The following ROBO2 variants were observed in gnomAD, a reference collection of about 807,000 sequenced individuals.
ROBO2 encodes roundabout homolog 2.
ROBO2 carries 53 observed loss-of-function variants against 160.8 expected under a neutral mutation model. The observed-to-expected ratio is 0.33, with a 90% CI of 0.26 to 0.41. The LOEUF is 0.41. ROBO2 is among the 10% of genes least tolerant of loss of function. The pLI is 1.00. For missense variants in ROBO2, 1,577 were observed against 1,722.4 expected (o/e 0.92, Z 1.49); for synonymous variants, 664 against 611.7 (o/e 1.09, Z -1.26).
At chr3:76,651,999 G>C (rs541667595) in intron 2 of ROBO2, among the ~76,000 whole-genome samples, 1 of 152,104 alleles carries the variant, frequency 6.6e-6, no homozygotes, top group Non-Finnish European at 1.5e-5. Flanking sequence ...GGAGGATGTC[G>C]CTCCCTGCAG....
At chr3:76,608,677 T>C (rs2087845373) in intron 2 of ROBO2, among the ~76,000 whole-genome samples, 1 of 152,198 alleles carries the variant, frequency 6.6e-6, no homozygotes, top group Non-Finnish European at 1.5e-5. Flanking sequence ...GTTTTCCCAA[T>C]GTGTTTTTTT....
In ROBO2 at chr3:75,938,606, G is replaced by C. The variant is rs557288615; in HGVS notation, c.109+1004G>C. ...GTGTGCAGTGTTATTATATAATTGT[G>C]ATGAAGTTGAGCTTTGCTAGTTTGA... On this transcript the variant is annotated intron_variant, in intron 2 of 26. Transcript: ENST00000487694. Among the ~76,000 whole-genome samples the C allele has an allele frequency of 2.0e-5, 3 of 152,172 alleles. No homozygotes were observed. In the East Asian group the frequency reaches 5.8e-4, roughly 29 times the overall value.
chr3:76,372,405 T>C (rs1368709471), intron 2 of ROBO2, among the ~76,000 whole-genome samples: 1 of 151,886 alleles, frequency 6.6e-6, no homozygotes, highest in Non-Finnish European at 1.5e-5. Context: ...TGATGTGAAA[T>C]TCTATAAACA....
chr3:76,536,937 T>C (rs780162360), intron 2 of ROBO2, among the ~76,000 whole-genome samples: 8 of 151,968 alleles, frequency 5.3e-5, no homozygotes, highest in Non-Finnish European at 1.0e-4. Flanking sequence ...TAAGAGGAAA[T>C]TGTTGGGCAG....
chr3:76,470,140 G>A (rs2078580051), intron 2 of ROBO2, among the ~76,000 whole-genome samples: 1 of 152,054 alleles, frequency 6.6e-6, no homozygotes, highest in Non-Finnish European at 1.5e-5. Context: ...TTATCCAAGT[G>A]TCTGCAATAA....
intron 2 of ROBO2, among the ~76,000 whole-genome samples, chr3:76,813,966 T>A (rs1050462861): frequency 6.6e-6 from 1 of 152,186 alleles, no homozygotes; most frequent in African/African-American, 2.4e-5. Flanking sequence ...GATCACATAA[T>A]AGAAACTTGA....
chr3:76,281,639 A>C (rs201942740), intron 2 of ROBO2, among the ~76,000 whole-genome samples: 1 of 8 alleles, frequency 0.12, no homozygotes, highest in Non-Finnish European at 0.17. Context: ...GCTGGGAAAT[A>C]AAAAAAAAAA....
At chr3:76,126,797 C>T (rs1241809885) in intron 2 of ROBO2, among the ~76,000 whole-genome samples, 1 of 152,034 alleles carries the variant, frequency 6.6e-6, no homozygotes, top group African/African-American at 2.4e-5. Flanking sequence ...AGCATTAATA[C>T]CTGTCTTGTA....
At chr3:76,706,131 T>G (rs2107530972) in intron 2 of ROBO2, among the ~76,000 whole-genome samples, 1 of 152,262 alleles carries the variant, frequency 6.6e-6, no homozygotes, top group Non-Finnish European at 1.5e-5. Context: ...CATTTTAACT[T>G]GAAGTATTAA....
chr3:77,474,987 TAAAA>T (rs1391477591), intron 2 of ROBO2, among the ~76,000 whole-genome samples: 1 of 151,962 alleles, frequency 6.6e-6, no homozygotes, highest in Non-Finnish European at 1.5e-5. Context: ...TTGAGAAGAG[TAAAA>T]ATGATTTTAC....
intron 2 of ROBO2, among the ~76,000 whole-genome samples, chr3:76,108,373 A>G (rs1194874599): frequency 1.3e-5 from 2 of 152,094 alleles, no homozygotes; most frequent in African/African-American, 4.8e-5. Context: ...AATAAATTAC[A>G]TTGAATATCA....
At chr3:77,096,001 T>A (rs1287529987) in intron 1 of ROBO2, among the ~76,000 whole-genome samples, 1 of 152,184 alleles carries the variant, frequency 6.6e-6, no homozygotes, top group East Asian at 1.9e-4. Context: ...CATTCTTTTT[T>A]GGTCTGATGT....
At chr3:76,646,943 G>A (rs906664720) in intron 2 of ROBO2, among the ~76,000 whole-genome samples, 1 of 152,126 alleles carries the variant, frequency 6.6e-6, no homozygotes, top group Admixed American at 6.6e-5. Flanking sequence ...CCTATGGCTG[G>A]GGGAACAAAG....
At chr3:77,257,544 T>C (rs2324724) in intron 2 of ROBO2, among the ~76,000 whole-genome samples, 75,762 of 152,120 alleles carry the variant, frequency 0.5, 20,076 homozygotes, top group Middle Eastern at 0.7. Flanking sequence ...AATAACTATG[T>C]ATGAACAGAA....
At chr3:76,283,317 GT>G (rs888685614) in intron 2 of ROBO2, among the ~76,000 whole-genome samples, 10 of 150,948 alleles carry the variant, frequency 6.6e-5, no homozygotes, top group African/African-American at 2.2e-4. Context: ...CCTATTTAAA[GT>G]TTATCTCAGG....
intron 2 of ROBO2, among the ~76,000 whole-genome samples, chr3:76,778,134 C>A (rs2062398353): frequency 6.6e-6 from 1 of 151,050 alleles, no homozygotes; most frequent in Admixed American, 6.6e-5. Flanking sequence ...AGTGGTGAGC[C>A]TCCCCTGCTT....
intron 2 of ROBO2, among the ~76,000 whole-genome samples, chr3:76,816,994 TCTCA>T (rs1283673039): frequency 1.3e-5 from 2 of 152,236 alleles, no homozygotes; most frequent in Non-Finnish European, 2.9e-5. Flanking sequence ...CGCCGCATGT[TCTCA>T]CTCATAAGTG....
At chr3:75,985,188 A>G (rs2065380808) in intron 2 of ROBO2, among the ~76,000 whole-genome samples, 1 of 151,472 alleles carries the variant, frequency 6.6e-6, no homozygotes. Context: ...TGCTCCACCT[A>G]GCAAACTTTC....
At position 77,487,215 on chromosome 3, in the gene ROBO2, TA is replaced by T. The variant is rs1461167902; in HGVS notation, c.667+5998del. Among the ~76,000 whole-genome samples, 5 of 152,270 alleles carry T rather than the reference TA, an allele frequency of 3.3e-5. No homozygotes were observed. In the East Asian group the frequency reaches 9.7e-4, roughly 29 times the overall value. On this transcript the variant is annotated intron_variant, in intron 4 of 25. Transcript: ENST00000461745. The stretch of plus-strand genomic sequence containing the variant: ...GTGGTATAAGAACATGAGGTGTTAT[TA>T]AGATTGTTGTCGGCAATATAATCCT...
Sources: allele counts gnomAD v4.1 joint callset (sites outside exome capture counted in the v4.1 genomes callset), GRCh38; gene constraint gnomAD v4.1.1; transcripts MANE v1.5; gene names NCBI Gene and HGNC (gene_info 2026-07-23, HGNC 2026-07-21).